Variants in JARID2 observed in about 807,000 individuals in gnomAD.
JARID2 encodes protein Jumonji.
Under a neutral mutation model 125.6 loss-of-function variants are expected in JARID2, and 21 were observed. The ratio of observed to expected loss-of-function variants is 0.17; its 90% CI spans 0.12 to 0.24. The LOEUF (loss-of-function observed/expected upper bound fraction) is 0.24. Among genes scored for constraint, JARID2 ranks in the 10% least tolerant of loss-of-function variants. The probability of loss-of-function intolerance (pLI) is 1.00; values close to 1 mark genes in which losing one functional copy is unlikely to be tolerated. For synonymous variants in JARID2, 736 were observed against 661.6 expected (o/e 1.11, Z -1.73); for missense variants, 1,303 against 1,639.6 (o/e 0.79, Z 3.55).
At chr6:15,383,602 A>G (rs971615836) in intron 2 of JARID2, among the ~76,000 whole-genome samples, 2 of 151,962 alleles carry the variant, frequency 1.3e-5, no homozygotes, top group Non-Finnish European at 2.9e-5. Flanking sequence ...TTCTATTTAT[A>G]TTCATATTAA....
chr6:15,267,668 C>T (rs531026329), intron 1 of JARID2, among the ~76,000 whole-genome samples: 119 of 152,242 alleles, frequency 7.8e-4, no homozygotes, highest in Non-Finnish European at 1.4e-3. Context: ...CGGTGTGACG[C>T]GCGAACTCAA....
intron 4 of JARID2, among the ~76,000 whole-genome samples, chr6:15,452,713 G>A (rs964934515): frequency 6.6e-6 from 1 of 152,344 alleles, no homozygotes; most frequent in African/African-American, 2.4e-5. Flanking sequence ...ACTCGGACCA[G>A]TTAACGGAGG....
chr6:15,502,246 G>T (rs1463900060), intron 8 of JARID2, among the ~76,000 whole-genome samples: 1 of 152,236 alleles, frequency 6.6e-6, no homozygotes, highest in African/African-American at 2.4e-5. Context: ...TCTCCCAGCT[G>T]TCCTGGCTCT....
intron 1 of JARID2, among the ~76,000 whole-genome samples, chr6:15,255,664 T>C (rs903098154): frequency 1.1e-4 from 17 of 152,200 alleles, no homozygotes; most frequent in Admixed American, 9.8e-4. Context: ...TTCAGCCAGC[T>C]GTTAGAGTGT....
At chr6:15,485,210 C>CT (rs1769810270) in intron 5 of JARID2, among the ~76,000 whole-genome samples, 1 of 152,164 alleles carries the variant, frequency 6.6e-6, no homozygotes, top group Admixed American at 6.5e-5. Flanking sequence ...ATTTTAAAAT[C>CT]TATTAATCAC....
At chr6:15,393,479 A>T (rs1052353091) in intron 2 of JARID2, among the ~76,000 whole-genome samples, 2 of 152,242 alleles carry the variant, frequency 1.3e-5, no homozygotes, top group African/African-American at 4.8e-5. Flanking sequence ...TGACACAGCC[A>T]GTTTCCCTGT....
At chr6:15,352,987 G>A (rs961010412) in intron 1 of JARID2, among the ~76,000 whole-genome samples, 4 of 152,124 alleles carry the variant, frequency 2.6e-5, no homozygotes, top group Admixed American at 6.5e-5. Flanking sequence ...CCATGTTATC[G>A]TCATGATGAA....
intron 1 of JARID2, among the ~76,000 whole-genome samples, chr6:15,343,601 G>T (rs1305755099): frequency 6.6e-6 from 1 of 152,140 alleles, no homozygotes; most frequent in Non-Finnish European, 1.5e-5. Context: ...TTCCATTTTG[G>T]TGTATTTGGA....
At chr6:15,491,989 G>A (rs565586328) in intron 6 of JARID2, among the ~76,000 whole-genome samples, 7 of 152,314 alleles carry the variant, frequency 4.6e-5, no homozygotes, top group South Asian at 4.1e-4. Flanking sequence ...TCATCTGGCC[G>A]AACGTAACTT....
intron 1 of JARID2, among the ~76,000 whole-genome samples, chr6:15,360,344 C>T (rs1042991892): frequency 6.6e-6 from 1 of 152,034 alleles, no homozygotes; most frequent in African/African-American, 2.4e-5. Flanking sequence ...GCCACCATGC[C>T]CAGCTAATTT....
At chr6:15,386,486 A>ATGTTTGTT (rs142233705) in intron 2 of JARID2, among the ~76,000 whole-genome samples, 4 of 151,992 alleles carry the variant, frequency 2.6e-5, no homozygotes, top group Admixed American at 2.0e-4. Flanking sequence ...TACAGTTGAC[A>ATGTTTGTT]TGTTTGTTTG....
intron 1 of JARID2, among the ~76,000 whole-genome samples, chr6:15,287,210 C>T (rs1198623406): frequency 1.3e-5 from 2 of 152,198 alleles, no homozygotes; most frequent in African/African-American, 4.8e-5. Flanking sequence ...ATCATAGGTT[C>T]TTTTTCCTAA....
chr6:15,469,258 T>A (rs1038571646), intron 5 of JARID2, among the ~76,000 whole-genome samples: 5 of 144,826 alleles, frequency 3.5e-5, no homozygotes, highest in Non-Finnish European at 1.5e-5. Context: ...CCTAGTGGTC[T>A]TTTCTCTCTG....
At position 15,487,559 on chromosome 6, in the gene JARID2, G is replaced by A. The variant is rs1315717762; in HGVS notation, c.906+17G>A. On this transcript the variant is annotated intron_variant, in intron 6 of 17. Transcript: ENST00000341776. ...CGGAAACAGGTAAAGTCCAGCAGGGGTGCCTACATGTGTGCCAGACCCCAG... is the reference window on the plus strand; with the variant it reads ...CGGAAACAGGTAAAGTCCAGCAGGGATGCCTACATGTGTGCCAGACCCCAG... The A allele has an allele frequency of 1.3e-6, 2 of 1,558,654 alleles. No homozygotes were observed. Among genetic ancestry groups the A allele is most frequent in the South Asian group, 1.2e-5 (1 of 85,040 alleles).
chr6:15,386,851 G>A (rs1764807530), intron 2 of JARID2, among the ~76,000 whole-genome samples: 1 of 152,252 alleles, frequency 6.6e-6, no homozygotes, highest in African/African-American at 2.4e-5. Context: ...AGAACCCTGC[G>A]ATTGGAAAGA....
At chr6:15,271,978 C>T (rs1030745726) in intron 1 of JARID2, among the ~76,000 whole-genome samples, 3 of 152,098 alleles carry the variant, frequency 2.0e-5, no homozygotes, top group South Asian at 2.1e-4. Flanking sequence ...CCAGCCTGGG[C>T]GGCAGAGCGA....
chr6:15,313,306 A>G (rs1267630116), intron 1 of JARID2, among the ~76,000 whole-genome samples: 2 of 152,182 alleles, frequency 1.3e-5, no homozygotes, highest in Non-Finnish European at 2.9e-5. Context: ...ACACTGTAAC[A>G]TCTCATTTTT....
chr6:15,261,165 G>T (rs1759856560), intron 1 of JARID2, among the ~76,000 whole-genome samples: 1 of 152,126 alleles, frequency 6.6e-6, no homozygotes, highest in African/African-American at 2.4e-5. Context: ...GGTAAGAAGA[G>T]TCCTATTACT....
intron 3 of JARID2, among the ~76,000 whole-genome samples, chr6:15,449,776 C>A (rs1767834245): frequency 1.3e-5 from 2 of 151,698 alleles, no homozygotes; most frequent in Admixed American, 6.6e-5. Context: ...CACACTTTGT[C>A]CGTTTTGGTG....
Sources: gnomAD v4.1 joint callset for allele counts (sites outside exome capture counted in the v4.1 genomes callset) on GRCh38, gnomAD v4.1.1 for gene constraint, MANE v1.5 for transcripts, NCBI Gene and HGNC (gene_info 2026-07-23, HGNC 2026-07-21) for gene names.